RBFOX1: variants seen among roughly 807,000 people sequenced by gnomAD.
RBFOX1 encodes RNA binding fox-1 homolog 1.
A neutral mutation model predicts 57.7 loss-of-function variants in RBFOX1; 8 were observed. The ratio of observed to expected loss-of-function variants is 0.14; its 90% confidence interval spans 0.08 to 0.25. The LOEUF (loss-of-function observed/expected upper bound fraction) is 0.25. RBFOX1 is among the 10% of genes least tolerant of loss of function. The pLI, the probability that RBFOX1 is intolerant of heterozygous loss-of-function variation, is 1.00. For synonymous variants in RBFOX1, 326 were observed against 222.4 expected (o/e 1.47, Z -4.15); for missense variants, 611 against 548.5 (o/e 1.11, Z -1.14).
intron 3 of RBFOX1, among the ~76,000 whole-genome samples, chr16:5,764,455 T>A (rs1190642569): frequency 6.6e-6 from 1 of 152,224 alleles, no homozygotes; most frequent in Non-Finnish European, 1.5e-5. Flanking sequence ...ATTCTTATTA[T>A]TTATACTTTA....
intron 3 of RBFOX1, among the ~76,000 whole-genome samples, chr16:6,714,181 C>G (rs2064301640): frequency 6.6e-6 from 1 of 152,198 alleles, no homozygotes; most frequent in South Asian, 2.1e-4. Flanking sequence ...GTAAGCCATG[C>G]CTGCCTCAAC....
chr16:6,815,157 A>AGT (rs1315638459), intron 3 of RBFOX1, among the ~76,000 whole-genome samples: 8 of 152,180 alleles, frequency 5.3e-5, no homozygotes, highest in Non-Finnish European at 1.2e-4. Context: ...GTAAACTGTC[A>AGT]TGGCGCTGGT....
chr16:7,706,892 T>C (rs1396450733), intron 14 of RBFOX1, among the ~76,000 whole-genome samples: 1 of 152,212 alleles, frequency 6.6e-6, no homozygotes, highest in East Asian at 1.9e-4. Context: ...GTGAGCTCTC[T>C]GAATATATTA....
At chr16:6,458,857 TTG>T (rs776350355) in intron 2 of RBFOX1, among the ~76,000 whole-genome samples, 43 of 152,344 alleles carry the variant, frequency 2.8e-4, no homozygotes, top group Non-Finnish European at 4.9e-4. Flanking sequence ...TTGATTCCAG[TTG>T]TGTTTCCCAG....
chr16:7,596,589 T>C (rs2094712300), intron 8 of RBFOX1, among the ~76,000 whole-genome samples: 1 of 152,042 alleles, frequency 6.6e-6, no homozygotes, highest in Non-Finnish European at 1.5e-5. Context: ...TATATACATA[T>C]ATATATATAC....
At chr16:6,116,091 T>TA in intron 1 of RBFOX1, among the ~76,000 whole-genome samples, 1 of 152,120 alleles carries the variant, frequency 6.6e-6, no homozygotes, top group Non-Finnish European at 1.5e-5. Flanking sequence ...TATGCAGCCA[T>TA]AAAAAAGGAT....
At chr16:6,791,216 CTA>C (rs1302998618) in intron 3 of RBFOX1, among the ~76,000 whole-genome samples, 5 of 152,240 alleles carry the variant, frequency 3.3e-5, no homozygotes, top group African/African-American at 1.2e-4. Flanking sequence ...CTGTTCTTGT[CTA>C]TCTTTATAGA....
chr16:7,433,884 G>T (rs548721695), intron 4 of RBFOX1, among the ~76,000 whole-genome samples: 94 of 152,298 alleles, frequency 6.2e-4, no homozygotes, highest in African/African-American at 2.3e-3. Context: ...AAAGGTAAAT[G>T]AGGCCATCTC....
chr16:7,136,165 G>A (rs979494363), intron 4 of RBFOX1, among the ~76,000 whole-genome samples: 4 of 152,146 alleles, frequency 2.6e-5, no homozygotes, highest in Non-Finnish European at 4.4e-5. Flanking sequence ...CTCAAGATTC[G>A]GGAGAGTTTG....
chr16:6,632,095 G>T (rs1200398375), intron 2 of RBFOX1, among the ~76,000 whole-genome samples: 1 of 152,134 alleles, frequency 6.6e-6, no homozygotes, highest in Admixed American at 6.5e-5. Context: ...GCTGGGTTTG[G>T]TTTCTGAGTC....
At chr16:5,408,724 G>A (rs1596913396) in intron 1 of RBFOX1, among the ~76,000 whole-genome samples, 1 of 152,238 alleles carries the variant, frequency 6.6e-6, no homozygotes, top group African/African-American at 2.4e-5. Context: ...CTTCTGGGGA[G>A]GCCTCAGGAA....
chr16:6,326,356 A>T (rs2082369592), intron 2 of RBFOX1, among the ~76,000 whole-genome samples: 2 of 152,198 alleles, frequency 1.3e-5, no homozygotes, highest in South Asian at 4.1e-4. Flanking sequence ...AAAGTAAATA[A>T]AATAATCCAT....
chr16:5,746,701 A>G (rs924498487), intron 3 of RBFOX1, among the ~76,000 whole-genome samples: 9 of 152,188 alleles, frequency 5.9e-5, no homozygotes, highest in South Asian at 2.1e-4. Context: ...CTTTGAAGCA[A>G]TTGTGAATGG....
At chr16:7,370,933 G>A (rs1385174070) in intron 4 of RBFOX1, among the ~76,000 whole-genome samples, 2 of 152,178 alleles carry the variant, frequency 1.3e-5, no homozygotes, top group East Asian at 3.9e-4. Context: ...AGGGTGAGTG[G>A]AATACTGATG....
At chr16:6,551,176 A>T (rs2096982882) in intron 2 of RBFOX1, among the ~76,000 whole-genome samples, 1 of 152,326 alleles carries the variant, frequency 6.6e-6, no homozygotes, top group Admixed American at 6.5e-5. Context: ...ATATAGATCT[A>T]GCCCAACTCA....
intron 2 of RBFOX1, among the ~76,000 whole-genome samples, chr16:6,614,890 G>T (rs970734074): frequency 6.6e-6 from 1 of 152,162 alleles, no homozygotes; most frequent in Non-Finnish European, 1.5e-5. Flanking sequence ...GAAAATGTTT[G>T]CATTTGGAGG....
intron 4 of RBFOX1, among the ~76,000 whole-genome samples, chr16:7,392,556 A>G (rs897212594): frequency 6.6e-6 from 1 of 152,136 alleles, no homozygotes; most frequent in Admixed American, 6.5e-5. Flanking sequence ...AGGCATGTTC[A>G]TATTTATTTA....
chr16:7,472,930 C>T (rs1051893576), intron 4 of RBFOX1, among the ~76,000 whole-genome samples: 9 of 146,558 alleles, frequency 6.1e-5, no homozygotes, highest in South Asian at 2.2e-4. Flanking sequence ...CAGGTTTAGA[C>T]GTCTGAAAAA....
chr16:7,149,500 T>A (rs1032052523), intron 4 of RBFOX1, among the ~76,000 whole-genome samples: 29 of 109,702 alleles, frequency 2.6e-4, no homozygotes, highest in East Asian at 2.1e-3. Context: ...TTTTTTTTTT[T>A]TTCCCCGACA....
Sources: gnomAD v4.1 joint callset for allele counts (sites outside exome capture counted in the v4.1 genomes callset) on GRCh38, gnomAD v4.1.1 for gene constraint, MANE v1.5 for transcripts, NCBI Gene and HGNC (gene_info 2026-07-23, HGNC 2026-07-21) for gene names.